Variants in PLA2G4A observed in about 807,000 individuals in gnomAD.
PLA2G4A encodes the protein phospholipase A2 group IVA.
PLA2G4A carries 40 observed loss-of-function variants against 81.9 expected under a neutral mutation model. The ratio of observed to expected loss-of-function variants is 0.49; its 90% confidence interval spans 0.38 to 0.64. The LOEUF (loss-of-function observed/expected upper bound fraction) is 0.64. Among genes scored for constraint, PLA2G4A ranks in the 30% least tolerant of loss-of-function variants. The probability of loss-of-function intolerance (pLI) is 0.00; values close to 1 mark genes in which losing one functional copy is unlikely to be tolerated. For synonymous variants in PLA2G4A, 302 were observed against 296.9 expected (o/e 1.02, Z -0.18); for missense variants, 715 against 905.1 (o/e 0.79, Z 2.69).
intron 2 of PLA2G4A, among the ~76,000 whole-genome samples, chr1:186,857,515 A>G (rs939702364): frequency 7.2e-6 from 1 of 138,744 alleles, no homozygotes; most frequent in Non-Finnish European, 1.5e-5. Context: ...TATAATATAT[A>G]ATATAATATA....
rs772426465 is a variant in PLA2G4A at position 186,979,373 on chromosome 1, C to T, written c.2019C>T (p.Asp673=). ...TCGCTGACTTTGATATTTTTGATGA[C>T]CCAGAATCACCATTTTCAACCTTCA... is the stretch of plus-strand genomic sequence containing the variant. ...KEIADFDIFD[D]PESPFSTFNF... Residue 673 remains aspartate, a synonymous_variant, in exon 17 of 18, where the codon GAC becomes GAT. Coordinates refer to ENST00000367466, the MANE Select transcript of PLA2G4A (RefSeq NM_024420.3). 1.2e-6 allele frequency: 2 copies of T among 1,608,368 alleles called. No homozygotes were observed. Among genetic ancestry groups the T allele is most frequent in the East Asian group, 4.5e-5 (2 of 44,836 alleles).
intron 13 of PLA2G4A, among the ~76,000 whole-genome samples, chr1:186,952,247 C>T (rs896377219): frequency 2.0e-5 from 3 of 152,056 alleles, no homozygotes; most frequent in Non-Finnish European, 4.4e-5. Context: ...ATTTGATAAC[C>T]CCTACAGTAC....
intron 15 of PLA2G4A, among the ~76,000 whole-genome samples, chr1:186,967,625 ATAAG>A (rs1557896377): frequency 6.6e-6 from 1 of 152,186 alleles, no homozygotes; most frequent in East Asian, 1.9e-4. Context: ...ATAAGTTTAC[ATAAG>A]TATGTGTATT....
Position 186,956,172 on chromosome 1 carries a change from A to C in PLA2G4A, c.1407A>C (p.Ile469=). ...DNQASWIHRM[I]MALVSDSALF... ...AAGCAAGTTGGATTCATCGTATGAT[A>C]ATGGCCTTGGTGAGTGATTCAGCTT... Residue 469 remains isoleucine, a synonymous_variant, in exon 14 of 18, where the codon ATA becomes ATC. Transcript: ENST00000367466. 1.2e-6 allele frequency: 2 copies of C among 1,613,386 alleles called. No individual in the cohort carries two copies. The highest frequency in any genetic ancestry group is 1.7e-6 in the Non-Finnish European group (2 of 1,179,338).
intron 3 of PLA2G4A, among the ~76,000 whole-genome samples, chr1:186,886,846 T>G (rs552084705): frequency 8.5e-5 from 13 of 152,320 alleles, no homozygotes; most frequent in African/African-American, 3.1e-4. Context: ...GCCTTCTCAA[T>G]GTCAAAATGT....
At position 186,871,583 on chromosome 1, in the gene PLA2G4A, G is replaced by A. The variant is rs369782579; in HGVS notation, c.115+1067G>A. Among the ~76,000 whole-genome samples, 55 of 152,156 alleles carry A rather than the reference G, an allele frequency of 3.6e-4. 2 individuals are homozygous for A. The South Asian group carries it at 0.01, about 28-fold the overall frequency. On this transcript the variant is annotated intron_variant, in intron 3 of 17. Transcript: ENST00000367466. Reference sequence around the variant, plus strand: ...AGAAGTCCTAGGCAGAGAAAACAGCGTGTTCCAAAGCAAAAAGACCAGAAT... The same window carrying A: ...AGAAGTCCTAGGCAGAGAAAACAGCATGTTCCAAAGCAAAAAGACCAGAAT...
At chr1:186,845,141 C>T (rs1400733043) in intron 1 of PLA2G4A, among the ~76,000 whole-genome samples, 3 of 151,954 alleles carry the variant, frequency 2.0e-5, no homozygotes, top group Admixed American at 6.6e-5. Flanking sequence ...ACCCAGGAGG[C>T]GGAGGTTGCA....
chr1:186,840,351 T>C (rs1191951341), intron 1 of PLA2G4A, among the ~76,000 whole-genome samples: 1 of 152,152 alleles, frequency 6.6e-6, no homozygotes, highest in Non-Finnish European at 1.5e-5. Flanking sequence ...CTTGTTCTTT[T>C]CAAAAGTGAA....
intron 15 of PLA2G4A, among the ~76,000 whole-genome samples, chr1:186,970,000 G>C (rs1657282337): frequency 6.6e-6 from 1 of 151,912 alleles, no homozygotes; most frequent in Admixed American, 6.6e-5. Flanking sequence ...GTTTTCTGTG[G>C]TGGCTGTACT....
chr1:186,861,955 T>G (rs1263617689), intron 2 of PLA2G4A, among the ~76,000 whole-genome samples: 1 of 149,840 alleles, frequency 6.7e-6, no homozygotes, highest in Admixed American at 6.7e-5. Flanking sequence ...GTGTATAATA[T>G]TAAGTAAAAT....
intron 15 of PLA2G4A, among the ~76,000 whole-genome samples, chr1:186,972,596 T>C (rs1471603048): frequency 6.6e-6 from 1 of 152,216 alleles, no homozygotes; most frequent in Non-Finnish European, 1.5e-5. Flanking sequence ...AATTAAGTTA[T>C]ATTGTGTTGC....
chr1:186,837,433 T>G (rs1027985385), intron 1 of PLA2G4A, among the ~76,000 whole-genome samples: 1 of 151,684 alleles, frequency 6.6e-6, no homozygotes, highest in Non-Finnish European at 1.5e-5. Context: ...ATTATCCAGT[T>G]GAAAGTAAAA....
At chr1:186,830,425 T>C (rs1406227050) in intron 1 of PLA2G4A, among the ~76,000 whole-genome samples, 4 of 151,784 alleles carry the variant, frequency 2.6e-5, no homozygotes, top group Middle Eastern at 3.2e-3. Flanking sequence ...CTGGCCAACG[T>C]GGTGAAACCC....
chr1:186,869,308 T>A (rs755343749), intron 2 of PLA2G4A, among the ~76,000 whole-genome samples: 6 of 152,196 alleles, frequency 3.9e-5, no homozygotes, highest in Non-Finnish European at 8.8e-5. Context: ...CTCTTGGATG[T>A]TGAAGGTATT....
At chr1:186,951,951 G>A (rs948858913) in intron 13 of PLA2G4A, among the ~76,000 whole-genome samples, 3 of 152,140 alleles carry the variant, frequency 2.0e-5, no homozygotes, top group African/African-American at 7.2e-5. Context: ...ATAATGACCA[G>A]CAGCCCTGAT....
intron 3 of PLA2G4A, among the ~76,000 whole-genome samples, chr1:186,873,072 C>A (rs1284471858): frequency 6.6e-6 from 1 of 151,564 alleles, no homozygotes; most frequent in Non-Finnish European, 1.5e-5. Context: ...TTAATGAGTG[C>A]ACAAGAGTCG....
At chr1:186,852,643 A>G (rs1652415275) in intron 1 of PLA2G4A, among the ~76,000 whole-genome samples, 1 of 152,012 alleles carries the variant, frequency 6.6e-6, no homozygotes, top group Non-Finnish European at 1.5e-5. Context: ...GAGAGAGCCC[A>G]TTCCATGAGC....
rs1654222402 is a variant in PLA2G4A at position 186,893,551 on chromosome 1, G to T, written c.264+392G>T. On this transcript the variant is annotated intron_variant, in intron 4 of 17. Coordinates refer to ENST00000367466, the MANE Select transcript of PLA2G4A (RefSeq NM_024420.3). ...TATTCCAAAGTAGAGAGGAGATAAA[G>T]TTTCGTTTTTGAAAACATGATAATT... 2.0e-5 allele frequency among the ~76,000 whole-genome samples: 3 copies of T among 152,110 alleles called. No individual in the cohort carries two copies. In the East Asian group the frequency reaches 5.8e-4, roughly 29 times the overall value.
At chr1:186,847,813 A>G (rs918399059) in intron 1 of PLA2G4A, among the ~76,000 whole-genome samples, 1 of 152,100 alleles carries the variant, frequency 6.6e-6, no homozygotes, top group Non-Finnish European at 1.5e-5. Flanking sequence ...GAGGGGCTTT[A>G]AAGAGACCAC....
Sources: gnomAD v4.1 joint callset for allele counts (sites outside exome capture counted in the v4.1 genomes callset) on GRCh38, gnomAD v4.1.1 for gene constraint, MANE v1.5 for transcripts, NCBI Gene and HGNC (gene_info 2026-07-23, HGNC 2026-07-21) for gene names.